TCF25: variants seen among roughly 807,000 people sequenced by gnomAD.
TCF25 encodes ribosome quality control complex subunit TCF25.
TCF25 carries 41 observed loss-of-function variants against 83.1 expected under a neutral mutation model. The ratio of observed to expected loss-of-function variants is 0.49; its 90% confidence interval spans 0.38 to 0.64. The LOEUF (loss-of-function observed/expected upper bound fraction) is 0.64, where lower values mean the gene tolerates loss of function less well. TCF25 is among the 30% of genes least tolerant of loss of function. The probability of loss-of-function intolerance (pLI) is 0.00; values close to 1 mark genes in which losing one functional copy is unlikely to be tolerated. For synonymous variants in TCF25, 458 were observed against 365.0 expected (o/e 1.25, Z -2.90); for missense variants, 979 against 914.5 (o/e 1.07, Z -0.91).
chr16:89,885,105 C>T (rs1463105323), intron 3 of TCF25, among the ~76,000 whole-genome samples: 2 of 150,872 alleles, frequency 1.3e-5, no homozygotes, highest in African/African-American at 2.4e-5. Flanking sequence ...TGCCTGACGC[C>T]CTCTCCCTCT....
intron 1 of TCF25, among the ~76,000 whole-genome samples, chr16:89,880,757 C>G (rs1308366978): frequency 1.3e-5 from 2 of 152,178 alleles, no homozygotes; most frequent in African/African-American, 4.8e-5. Context: ...CCCAGCTTCA[C>G]TAAGAGACAT....
intron 8 of TCF25, 112 bp from the exon 9 acceptor site, chr16:89,895,878 C>CTA (rs1374130795): frequency 3.2e-6 from 3 of 925,524 alleles, no homozygotes; most frequent in Admixed American, 2.4e-5. Context: ...GTCCAGGACT[C>CTA]TAGTTTCGTG....
Position 89,884,629 on chromosome 16 carries a change from C to G in TCF25, c.402C>G (p.Asn134Lys). The G allele has an allele frequency of 6.2e-7, 1 of 1,613,470 alleles. No individual in the cohort carries two copies. The highest frequency in any genetic ancestry group is 8.5e-7 in the Non-Finnish European group (1 of 1,179,592). Residue 134 changes from asparagine (N) to lysine (K), a missense_variant, in exon 3 of 18, where the codon AAC (asparagine) becomes AAG (lysine). Asn to Lys is a moderately conservative substitution (Grantham distance 94). Coordinates refer to ENST00000263346, the MANE Select transcript of TCF25 (RefSeq NM_014972.3). Reference protein sequence around the residue: ...KLRKKKKKQKNKKSSTGEASE... With the variant: ...KLRKKKKKQKKKKSSTGEASE... Reference sequence around the variant, plus strand: ...GGAAGAAGAAAAAAAAACAGAAAAACAAGAAAAGCAGCACGGGAGAAGCAT... The same window carrying G: ...GGAAGAAGAAAAAAAAACAGAAAAAGAAGAAAAGCAGCACGGGAGAAGCAT...
chr16:89,903,617 C>T lies in TCF25; in HGVS notation c.1382-501C>T, dbSNP rs556188099. On this transcript the variant is annotated intron_variant, in intron 12 of 17. Coordinates refer to ENST00000263346, the MANE Select transcript of TCF25 (RefSeq NM_014972.3). ...GGTCAAGAGTTCAAGACCAGCCTGGCCAGCATGGTGAAACCCTGTCTCTAC... is the reference window on the plus strand; with the variant it reads ...GGTCAAGAGTTCAAGACCAGCCTGGTCAGCATGGTGAAACCCTGTCTCTAC... Among the ~76,000 whole-genome samples, 12 of 152,072 alleles carry T rather than the reference C, an allele frequency of 7.9e-5. No homozygotes were observed. The South Asian group carries it at 2.5e-3, about 32-fold the overall frequency.
chr16:89,889,294 C>A, intron 5 of TCF25: 1 of 365,642 alleles, frequency 2.7e-6, no homozygotes, highest in Non-Finnish European at 5.3e-6. Flanking sequence ...CCTCCCATCT[C>A]AGTCTCCCAA....
chr16:89,895,564 G>C (rs941011038), intron 8 of TCF25, among the ~76,000 whole-genome samples: 3 of 152,232 alleles, frequency 2.0e-5, no homozygotes, highest in Non-Finnish European at 4.4e-5. Context: ...GCGTCGATCA[G>C]AACGTCGTTC....
intron 5 of TCF25, among the ~76,000 whole-genome samples, chr16:89,891,432 C>T (rs2043419455): frequency 2.0e-5 from 3 of 152,210 alleles, no homozygotes; most frequent in Admixed American, 2.0e-4. Flanking sequence ...CAGGGATGGC[C>T]CCGTGGGAAG....
At position 89,905,064 on chromosome 16, in the gene TCF25, C is replaced by G. The variant is rs763215608; in HGVS notation, c.1596C>G (p.Ala532=). 1.9e-6 allele frequency: 3 copies of G among 1,601,938 alleles called. No homozygotes were observed. The highest frequency in any genetic ancestry group is 1.1e-5 in the South Asian group (1 of 89,096). The change falls in exon 14 of 18, where the codon GCC becomes GCG. Residue 532 remains alanine (A), a synonymous_variant. Coordinates refer to ENST00000263346, the MANE Select transcript of TCF25 (RefSeq NM_014972.3). ...ACGAGGTTCTGCAAGCAGTGGACGCCGGGGACCCAGCCGTGGAAGCCTGTG... is the reference window on the plus strand; with the variant it reads ...ACGAGGTTCTGCAAGCAGTGGACGCGGGGGACCCAGCCGTGGAAGCCTGTG... ...NVHEVLQAVD[A]GDPAVEACEN...
chr16:89,877,981 G>C (rs761475282), intron 1 of TCF25, among the ~76,000 whole-genome samples: 20 of 152,130 alleles, frequency 1.3e-4, no homozygotes, highest in Non-Finnish European at 2.6e-4. Flanking sequence ...ATTTTTTAAA[G>C]TATAAAACAT....
chr16:89,895,148 G>T lies in TCF25; in HGVS notation c.928+11G>T. ...CTCGAGACCTCGTAGGTAAGGCAGA[G>T]CCCCCACCCCATTCCCCTCAGCTGT... is the stretch of plus-strand genomic sequence containing the variant. On this transcript the variant is annotated intron_variant, in intron 8 of 17. Coordinates refer to ENST00000263346, the MANE Select transcript of TCF25 (RefSeq NM_014972.3). The T allele has an allele frequency of 6.2e-7, 1 of 1,610,462 alleles. No homozygotes were observed. Among genetic ancestry groups the T allele is most frequent in the South Asian group, 1.1e-5 (1 of 90,700 alleles).
chr16:89,875,030 T>C (rs62056102), intron 1 of TCF25, among the ~76,000 whole-genome samples: 10,029 of 152,166 alleles, frequency 0.066, 524 homozygotes, highest in East Asian at 0.25. Flanking sequence ...GATGGAATCT[T>C]GCTCTGTTGC....
chr16:89,901,013 C>T (rs2047742679), intron 12 of TCF25: 1 of 478,210 alleles, frequency 2.1e-6, no homozygotes, highest in Non-Finnish European at 3.7e-6. Flanking sequence ...AGGTGGCAGG[C>T]ATCCCGACCC....
intron 16 of TCF25, chr16:89,909,675 C>CAA (rs570932821): frequency 0.017 from 1,497 of 90,086 alleles, 36 homozygotes; most frequent in African/African-American, 0.053. Context: ...GACTCCATCT[C>CAA]AAAAAAAAAA....
At chr16:89,881,648 T>C (rs2042617339) in intron 1 of TCF25, among the ~76,000 whole-genome samples, 1 of 152,116 alleles carries the variant, frequency 6.6e-6, no homozygotes, top group Admixed American at 6.6e-5. Context: ...TCTCACTGTA[T>C]TGCCTAGGCT....
chr16:89,908,568 T>C (rs1401997924), intron 16 of TCF25, among the ~76,000 whole-genome samples: 13 of 21,632 alleles, frequency 6.0e-4, no homozygotes, highest in Admixed American at 1.1e-3. Flanking sequence ...TCCCACCTCT[T>C]TCCTCGCAGT....
chr16:89,910,651 C>CTA lies in TCF25; in HGVS notation c.1863_1864dup (p.Thr622IlefsTer16). The CTA allele has an allele frequency of 6.2e-7, 1 of 1,613,634 alleles. No homozygotes were observed. The highest frequency in any genetic ancestry group is 8.5e-7 in the Non-Finnish European group (1 of 1,179,966). On this transcript the variant is annotated frameshift_variant, in exon 17 of 18. Coordinates refer to ENST00000263346, the MANE Select transcript of TCF25 (RefSeq NM_014972.3). LOFTEE classifies it high-confidence loss of function. Reference sequence around the variant, plus strand: ...TCTTCTTCCGGTCACTGTTGCCAAACTATACCATGGAGGTAGGTTGAGCTC... The same window carrying CTA: ...TCTTCTTCCGGTCACTGTTGCCAAACTATATACCATGGAGGTAGGTTGAGCTC...
Position 89,895,021 on chromosome 16 carries a change from G to C in TCF25, c.829-17G>C. 1 of 1,610,204 alleles carries C rather than the reference G, an allele frequency of 6.2e-7. No homozygotes were observed. The highest frequency in any genetic ancestry group is 8.5e-7 in the Non-Finnish European group (1 of 1,177,428). On this transcript the variant is annotated splice_polypyrimidine_tract_variant and intron_variant, in intron 7 of 17. Transcript: ENST00000263346. ...TGCTGAGTGCCTTTCCTCCAGGGCT[G>C]TCCTCCCTTCTGGTAGGTTCTGCTC...
At chr16:89,902,516 C>T (rs1411047742) in intron 12 of TCF25, among the ~76,000 whole-genome samples, 3 of 141,452 alleles carry the variant, frequency 2.1e-5, no homozygotes, top group South Asian at 2.3e-4. Context: ...GGTGAAACCA[C>T]GTCTCTACTA....
intron 5 of TCF25, 136 bp from the exon 6 acceptor site, chr16:89,892,057 G>T (rs1357370125): frequency 5.5e-6 from 4 of 723,966 alleles, no homozygotes; most frequent in Non-Finnish European, 8.5e-6. Context: ...TGTCCTTAAT[G>T]CGTCCCCACC....
Sources: allele counts gnomAD v4.1 joint callset (sites outside exome capture counted in the v4.1 genomes callset), GRCh38; gene constraint gnomAD v4.1.1; transcripts MANE v1.5; gene names NCBI Gene and HGNC (gene_info 2026-07-23, HGNC 2026-07-21).